Variants in MAGI2 observed in about 807,000 individuals in gnomAD.
MAGI2 encodes the protein membrane associated guanylate kinase, WW and PDZ domain containing 2.
Under a neutral mutation model 133.3 loss-of-function variants are expected in MAGI2, and 35 were observed. The observed-to-expected ratio is 0.26, with a 90% CI of 0.20 to 0.35. The LOEUF (loss-of-function observed/expected upper bound fraction) is 0.35, where lower values mean the gene tolerates loss of function less well. Ranked by LOEUF, MAGI2 falls within the 10% of genes least tolerant of loss-of-function variation. MAGI2 has a pLI of 1.00. For missense variants in MAGI2, 1,636 were observed against 1,863.4 expected (o/e 0.88, Z 2.25); for synonymous variants, 729 against 710.6 (o/e 1.03, Z -0.41).
intron 2 of MAGI2, chr7:78,771,106 C>A (rs1051944530): frequency 1.3e-5 from 2 of 152,218 alleles, no homozygotes; most frequent in African/African-American, 4.8e-5. Context: ...AAAGATGAAG[C>A]ATGCAGCACT....
rs1252734758 is a variant in MAGI2 at position 79,158,384 on chromosome 7, C to T, written c.302-151178G>A. On this transcript the variant is annotated intron_variant, in intron 1 of 21. Transcript: ENST00000354212. ...ACTTTAAAAAAAGACTAGTCAAATGCTTTTTCCAAGTTCACGTGACTTAAG... is the reference window on the plus strand; with the variant it reads ...ACTTTAAAAAAAGACTAGTCAAATGTTTTTTCCAAGTTCACGTGACTTAAG... Among the ~76,000 whole-genome samples, 3 of 151,928 alleles carry T rather than the reference C, an allele frequency of 2.0e-5. 1 individual carries two copies. The highest frequency in any genetic ancestry group is 1.3e-4 in the Admixed American group (2 of 15,232).
chr7:78,562,138 T>C (rs1800472467), intron 3 of MAGI2, among the ~76,000 whole-genome samples: 1 of 152,210 alleles, frequency 6.6e-6, no homozygotes, highest in African/African-American at 2.4e-5. Context: ...AGATGTTCCA[T>C]GTTACTGAGA....
chr7:79,026,201 C>A (rs1282826634), intron 1 of MAGI2, among the ~76,000 whole-genome samples: 1 of 152,100 alleles, frequency 6.6e-6, no homozygotes, highest in East Asian at 1.9e-4. Context: ...TTCTCTATTG[C>A]CCAATTAATC....
intron 2 of MAGI2, among the ~76,000 whole-genome samples, chr7:78,853,648 G>A (rs1793371898): frequency 6.6e-6 from 1 of 152,056 alleles, no homozygotes. Context: ...AAGCCACCAT[G>A]TCTGGCCCAT....
Position 78,212,089 on chromosome 7 carries a change from G to A in MAGI2, c.2048-10896C>T, listed in dbSNP as rs182752803. On this transcript the variant is annotated intron_variant, in intron 10 of 21. Transcript: ENST00000354212. ...TATTTATACGATTATTTACATTTAC[G>A]CAACTTAACTAGTTTTAGTGCTTGC... Among the ~76,000 whole-genome samples, 32 of 152,148 alleles carry A rather than the reference G, an allele frequency of 2.1e-4. No individual in the cohort carries two copies. In the East Asian group the frequency reaches 3.5e-3, roughly 17 times the overall value.
intron 9 of MAGI2, among the ~76,000 whole-genome samples, chr7:78,274,175 TC>T (rs1794838947): frequency 6.6e-6 from 1 of 152,216 alleles, no homozygotes. Context: ...TTGTTAGTTT[TC>T]CTTCTAACAG....
chr7:79,294,501 T>A (rs1416737061), intron 1 of MAGI2, among the ~76,000 whole-genome samples: 1 of 152,018 alleles, frequency 6.6e-6, no homozygotes, highest in Non-Finnish European at 1.5e-5. Flanking sequence ...GTCCGCCCCA[T>A]CCTCTCAGTG....
At chr7:78,443,581 A>G (rs1428741436) in intron 6 of MAGI2, among the ~76,000 whole-genome samples, 1 of 152,142 alleles carries the variant, frequency 6.6e-6, no homozygotes, top group Non-Finnish European at 1.5e-5. Flanking sequence ...TTCCTCTGTT[A>G]TAACATGTAA....
chr7:78,942,062 C>G (rs1387731992), intron 2 of MAGI2, among the ~76,000 whole-genome samples: 1 of 151,914 alleles, frequency 6.6e-6, no homozygotes, highest in African/African-American at 2.4e-5. Flanking sequence ...ATCAATATAC[C>G]ATATGTTGGT....
intron 10 of MAGI2, among the ~76,000 whole-genome samples, chr7:78,221,923 G>A (rs1476633648): frequency 2.0e-5 from 3 of 151,950 alleles, no homozygotes; most frequent in Admixed American, 6.5e-5. Flanking sequence ...TGTGGTGTGT[G>A]CTTATAGTCC....
chr7:78,578,152 A>T (rs1378310523), intron 3 of MAGI2, among the ~76,000 whole-genome samples: 1 of 152,086 alleles, frequency 6.6e-6, no homozygotes, highest in Non-Finnish European at 1.5e-5. Flanking sequence ...ATCATAAAAC[A>T]TGTTTATATA....
At chr7:78,827,506 G>C (rs910968021) in intron 2 of MAGI2, among the ~76,000 whole-genome samples, 1 of 152,048 alleles carries the variant, frequency 6.6e-6, no homozygotes, top group Non-Finnish European at 1.5e-5. Context: ...TGAACTCCTG[G>C]ACTTAAGCAA....
intron 9 of MAGI2, among the ~76,000 whole-genome samples, chr7:78,281,512 T>C (rs550165255): frequency 6.6e-6 from 1 of 152,268 alleles, no homozygotes; most frequent in African/African-American, 2.4e-5. Flanking sequence ...TCCACCATGA[T>C]TGTAAGTTTC....
chr7:79,164,641 A>G (rs1824745941), intron 1 of MAGI2, among the ~76,000 whole-genome samples: 1 of 152,018 alleles, frequency 6.6e-6, no homozygotes, highest in Admixed American at 6.6e-5. Context: ...AGGTCTTTAG[A>G]CAAAGTCAAC....
intron 1 of MAGI2, among the ~76,000 whole-genome samples, chr7:79,315,324 A>AGTTTTTTTTTTTTTTTTTTTT (rs1563107001): frequency 1.2e-5 from 1 of 84,072 alleles, no homozygotes; most frequent in African/African-American, 4.1e-5. Context: ...ATGCCCAGTT[A>AGTTTTTTTTTTTTTTTTTTTT]ATTTTTTTTT....
intron 6 of MAGI2, among the ~76,000 whole-genome samples, chr7:78,395,292 C>A (rs1240844098): frequency 6.6e-6 from 1 of 151,994 alleles, no homozygotes; most frequent in Non-Finnish European, 1.5e-5. Context: ...GGAAAAATAT[C>A]CTAAAATTTT....
At chr7:78,624,444 T>C (rs1053371956) in intron 3 of MAGI2, among the ~76,000 whole-genome samples, 3 of 152,086 alleles carry the variant, frequency 2.0e-5, no homozygotes, top group African/African-American at 7.2e-5. Context: ...GGTACATATA[T>C]ACCATGGAAT....
At chr7:78,320,856 TG>T (rs1787922335) in intron 9 of MAGI2, among the ~76,000 whole-genome samples, 2 of 152,288 alleles carry the variant, frequency 1.3e-5, no homozygotes, top group South Asian at 4.1e-4. Context: ...GATGACATGA[TG>T]GTATATTTAG....
intron 2 of MAGI2, among the ~76,000 whole-genome samples, chr7:78,699,629 G>C (rs999606158): frequency 1.3e-5 from 2 of 152,150 alleles, no homozygotes; most frequent in East Asian, 3.9e-4. Context: ...CCTGCTTATT[G>C]GGTTCATCCT....
Sources: gnomAD v4.1 joint callset for allele counts (sites outside exome capture counted in the v4.1 genomes callset) on GRCh38, gnomAD v4.1.1 for gene constraint, MANE v1.5 for transcripts, NCBI Gene and HGNC (gene_info 2026-07-23, HGNC 2026-07-21) for gene names.